The following EXOC6 variants were observed in gnomAD, a reference collection of about 807,000 sequenced individuals.
EXOC6 encodes the protein exocyst complex component 6.
Under a neutral mutation model 112.5 loss-of-function variants are expected in EXOC6, and 60 were observed. The observed-to-expected ratio is 0.53, with a 90% confidence interval of 0.43 to 0.66. The LOEUF (loss-of-function observed/expected upper bound fraction) is 0.66, where lower values mean the gene tolerates loss of function less well. Among genes scored for constraint, EXOC6 ranks in the 30% least tolerant of loss-of-function variants. EXOC6 has a pLI of 0.00. For synonymous variants in EXOC6, 295 were observed against 308.0 expected, an observed-to-expected ratio of 0.96 and a Z score of 0.44; for missense variants, 855 against 957.1, an observed-to-expected ratio of 0.89 and a Z score of 1.41.
chr10:92,986,125 T>G (rs938597844), intron 18 of EXOC6, among the ~76,000 whole-genome samples: 2 of 152,180 alleles, frequency 1.3e-5, no homozygotes, highest in East Asian at 3.8e-4. Flanking sequence ...ACTTTCATTA[T>G]CACATCCTGT....
intron 1 of EXOC6, among the ~76,000 whole-genome samples, chr10:92,854,225 G>A (rs1303107622): frequency 6.6e-6 from 1 of 151,934 alleles, no homozygotes; most frequent in Non-Finnish European, 1.5e-5. Flanking sequence ...GGATCACAAG[G>A]TCAAGAGATT....
intron 18 of EXOC6, among the ~76,000 whole-genome samples, chr10:92,984,779 C>G (rs1842941220): frequency 6.6e-6 from 1 of 152,076 alleles, no homozygotes; most frequent in African/African-American, 2.4e-5. Context: ...GTTTTAGTAT[C>G]TGTTTTAAAA....
chr10:92,890,623 A>G (rs1849452734), intron 1 of EXOC6, among the ~76,000 whole-genome samples: 1 of 152,162 alleles, frequency 6.6e-6, no homozygotes, highest in Non-Finnish European at 1.5e-5. Context: ...AGAAGATTAA[A>G]AAATAAAGCA....
intron 4 of EXOC6, 46 bp from the exon 5 acceptor site, chr10:92,899,553 T>C: frequency 7.5e-7 from 1 of 1,327,208 alleles, no homozygotes; most frequent in Non-Finnish European, 1.1e-6. Context: ...TCTCAAAATA[T>C]TTTCTTTTCA....
chr10:92,997,873 C>T (rs944013860), intron 19 of EXOC6, among the ~76,000 whole-genome samples: 5 of 152,116 alleles, frequency 3.3e-5, no homozygotes, highest in African/African-American at 1.2e-4. Context: ...TCATTTTCCC[C>T]ATTATTCCTT....
intron 1 of EXOC6, among the ~76,000 whole-genome samples, chr10:92,859,946 G>A (rs954752871): frequency 2.0e-5 from 3 of 152,160 alleles, no homozygotes; most frequent in Admixed American, 6.5e-5. Flanking sequence ...GTCCTTAGCA[G>A]TGGGAGGTGA....
chr10:92,958,511 T>C (rs7075749), intron 17 of EXOC6, among the ~76,000 whole-genome samples: 41,877 of 152,084 alleles, frequency 0.28, 5,923 homozygotes, highest in Middle Eastern at 0.37. Flanking sequence ...TGCTAATGAC[T>C]ATGTAGCAAA....
chr10:92,854,651 T>C (rs574776677), intron 1 of EXOC6, among the ~76,000 whole-genome samples: 2 of 152,350 alleles, frequency 1.3e-5, no homozygotes, highest in African/African-American at 4.8e-5. Context: ...TTTGATATGG[T>C]ATATTACATT....
At chr10:92,837,359 A>T (rs888406189) in intron 1 of EXOC6, among the ~76,000 whole-genome samples, 4 of 152,200 alleles carry the variant, frequency 2.6e-5, no homozygotes, top group African/African-American at 9.7e-5. Context: ...GAAGAGAAGG[A>T]GGAGGAAGTA....
intron 20 of EXOC6, among the ~76,000 whole-genome samples, chr10:93,032,136 T>A (rs1457761298): frequency 6.6e-6 from 1 of 152,008 alleles, no homozygotes; most frequent in Non-Finnish European, 1.5e-5. Context: ...GCAGACTGGG[T>A]GTGGTGGCTC....
At chr10:92,899,544 C>A in intron 4 of EXOC6, 55 bp from the exon 5 acceptor site, 1 of 1,231,644 alleles carries the variant, frequency 8.1e-7, no homozygotes, top group Non-Finnish European at 1.2e-6. Flanking sequence ...ATTTTCATGT[C>A]TCAAAATATT....
At chr10:92,906,743 T>C (rs957110997) in intron 5 of EXOC6, among the ~76,000 whole-genome samples, 2 of 152,176 alleles carry the variant, frequency 1.3e-5, no homozygotes, top group African/African-American at 2.4e-5. Flanking sequence ...GAATAGAGTA[T>C]GAGCTTACAG....
chr10:92,926,072 T>C (rs1414469033), intron 8 of EXOC6, among the ~76,000 whole-genome samples: 1 of 148,156 alleles, frequency 6.7e-6, no homozygotes, highest in African/African-American at 2.5e-5. Flanking sequence ...AAAAAACAAA[T>C]GCCCTAAGTC....
At chr10:92,861,111 T>G (rs1250141309) in intron 1 of EXOC6, among the ~76,000 whole-genome samples, 1 of 152,252 alleles carries the variant, frequency 6.6e-6, no homozygotes, top group African/African-American at 2.4e-5. Flanking sequence ...ACCAGAGTCT[T>G]CATTGTTTTC....
chr10:92,999,274 A>T, intron 19 of EXOC6: 2 of 384,334 alleles, frequency 5.2e-6, no homozygotes, highest in South Asian at 1.8e-5. Context: ...TGTTGCCCAG[A>T]CTGGTCTCAA....
In EXOC6 at chr10:92,979,224, A is replaced by C. The variant is rs564437161; in HGVS notation, c.1953+4992A>C. On this transcript the variant is annotated intron_variant, in intron 18 of 21. Coordinates refer to ENST00000260762, the MANE Select transcript of EXOC6 (RefSeq NM_019053.6). Reference sequence around the variant, plus strand: ...CACCCAGGCTGGAGTGCACTGGTGCAATCTTGGCTCACTGCAGCCTCTGCC... The same window carrying C: ...CACCCAGGCTGGAGTGCACTGGTGCCATCTTGGCTCACTGCAGCCTCTGCC... 2.6e-5 allele frequency among the ~76,000 whole-genome samples: 4 copies of C among 152,266 alleles called. No homozygotes were observed. In the South Asian group the frequency reaches 8.3e-4, roughly 32 times the overall value.
intron 1 of EXOC6, among the ~76,000 whole-genome samples, chr10:92,877,488 G>A (rs77476401): frequency 4.5e-4 from 68 of 152,248 alleles, no homozygotes; most frequent in African/African-American, 1.5e-3. Context: ...GATACCAAAT[G>A]CAGTGATGTA....
intron 1 of EXOC6, among the ~76,000 whole-genome samples, chr10:92,860,485 A>G (rs147539870): frequency 0.013 from 1,904 of 150,758 alleles, 30 homozygotes; most frequent in Non-Finnish European, 0.021. Context: ...CTGGTCTTGA[A>G]CTCCTGACCT....
intron 8 of EXOC6, among the ~76,000 whole-genome samples, chr10:92,926,837 A>G (rs183483811): frequency 6.6e-6 from 1 of 152,158 alleles, no homozygotes; most frequent in Admixed American, 6.5e-5. Context: ...CCGGCCCCAT[A>G]TTTTTTTAAA....
Sources: gnomAD v4.1 joint callset for allele counts (sites outside exome capture counted in the v4.1 genomes callset) on GRCh38, gnomAD v4.1.1 for gene constraint, MANE v1.5 for transcripts, NCBI Gene and HGNC (gene_info 2026-07-23, HGNC 2026-07-21) for gene names.